The following SLC25A13 variants were observed in gnomAD, a reference collection of about 807,000 sequenced individuals.
SLC25A13 encodes solute carrier family 25 member 13, also known as electrogenic aspartate/glutamate antiporter SLC25A13, mitochondrial.
SLC25A13 carries 70 observed loss-of-function variants against 85.5 expected under a neutral mutation model. The ratio of observed to expected loss-of-function variants is 0.82; its 90% confidence interval spans 0.68 to 1.00. The LOEUF is 1.00. Among genes scored for constraint, SLC25A13 ranks in the 50% least tolerant of loss-of-function variants. The probability of loss-of-function intolerance (pLI) is 0.00; values close to 1 mark genes in which losing one functional copy is unlikely to be tolerated. For missense variants in SLC25A13, 765 were observed against 819.8 expected (o/e 0.93, Z 0.82); for synonymous variants, 259 against 288.7 (o/e 0.90, Z 1.04).
chr7:96,167,749 CT>C (rs1793813979), intron 13 of SLC25A13, among the ~76,000 whole-genome samples: 1 of 152,148 alleles, frequency 6.6e-6, no homozygotes, highest in Non-Finnish European at 1.5e-5. Context: ...GTGTGACTGA[CT>C]CCAATTATAG....
Position 96,184,499 on chromosome 7 carries a change from A to T in SLC25A13, c.1019-64T>A. On this transcript the variant is annotated intron_variant, in intron 10 of 17. Coordinates refer to ENST00000265631, the MANE Select transcript of SLC25A13 (RefSeq NM_014251.3). ...GATAGGTCAGAAGAAAGAAGAAGGT[A>T]GTTAAAGTCAAGGACAAGACTGAGA... is the stretch of plus-strand genomic sequence containing the variant. The T allele has an allele frequency of 2.0e-6, 3 of 1,507,364 alleles. 1 individual carries two copies. The South Asian group carries it at 3.5e-5, about 17-fold the overall frequency. 93.4% of individuals were successfully genotyped at this position (1,507,364 alleles called of 1,614,324 possible). A position where few individuals can be genotyped will look rare whatever the true frequency, so the allele number is the denominator to read the frequency against.
At chr7:96,274,201 T>TA (rs367953327) in intron 3 of SLC25A13, among the ~76,000 whole-genome samples, 2,360 of 144,774 alleles carry the variant, frequency 0.016, 31 homozygotes, top group African/African-American at 0.042. Context: ...TTCTTTCCAT[T>TA]AAAAAAAAAA....
chr7:96,224,972 C>T (rs1029657108), intron 4 of SLC25A13, among the ~76,000 whole-genome samples: 7 of 152,188 alleles, frequency 4.6e-5, no homozygotes, highest in Non-Finnish European at 1.0e-4. Flanking sequence ...TCAACTTCCC[C>T]ATGTCTATTT....
At chr7:96,228,443 G>T (rs529637429) in intron 4 of SLC25A13, among the ~76,000 whole-genome samples, 30 of 152,302 alleles carry the variant, frequency 2.0e-4, no homozygotes, top group Admixed American at 9.1e-4. Context: ...GCCACACAGT[G>T]AGATATCACT....
intron 2 of SLC25A13, among the ~76,000 whole-genome samples, chr7:96,290,215 A>G (rs1265483493): frequency 6.6e-6 from 1 of 152,192 alleles, no homozygotes; most frequent in African/African-American, 2.4e-5. Flanking sequence ...CTTTACAGAC[A>G]AGCAAATGCT....
At chr7:96,311,422 G>A (rs576253611) in intron 1 of SLC25A13, among the ~76,000 whole-genome samples, 1 of 152,196 alleles carries the variant, frequency 6.6e-6, no homozygotes, top group African/African-American at 2.4e-5. Context: ...TCACTTGCAG[G>A]AAATACTGAG....
Position 96,241,033 on chromosome 7 carries a change from G to A in SLC25A13, c.213-6116C>T, listed in dbSNP as rs1447763492. On this transcript the variant is annotated intron_variant, in intron 3 of 17. Coordinates refer to ENST00000265631, the MANE Select transcript of SLC25A13 (RefSeq NM_014251.3). ...GGGAAAGAAAAGAAAAGAAAAGAAAGAAAGGAAAGAAAGAAAGAAAGAAAG... is the reference window on the plus strand; with the variant it reads ...GGGAAAGAAAAGAAAAGAAAAGAAAAAAAGGAAAGAAAGAAAGAAAGAAAG... 1.7e-3 allele frequency among the ~76,000 whole-genome samples: 122 copies of A among 73,104 alleles called. 1 individual carries two copies. Among genetic ancestry groups the A allele is most frequent in the African/African-American group, 5.7e-3 (116 of 20,448 alleles). The allele number at this position is 73,104 out of a possible 152,430, so 48.0% of individuals were successfully genotyped here.
chr7:96,278,437 A>G (rs1245873482), intron 2 of SLC25A13, among the ~76,000 whole-genome samples: 2 of 152,230 alleles, frequency 1.3e-5, no homozygotes, highest in East Asian at 1.9e-4. Context: ...TTTAATTCCA[A>G]TGCAGACTAA....
intron 14 of SLC25A13, among the ~76,000 whole-genome samples, chr7:96,135,040 CT>C (rs1562785030): frequency 6.6e-6 from 1 of 151,998 alleles, no homozygotes; most frequent in East Asian, 1.9e-4. Context: ...CCTGTCACCC[CT>C]AGCCATGTGA....
intron 13 of SLC25A13, among the ~76,000 whole-genome samples, chr7:96,163,341 C>T (rs138105721): frequency 4.9e-4 from 75 of 152,296 alleles, no homozygotes; most frequent in African/African-American, 1.7e-3. Flanking sequence ...CTCTGGAGCA[C>T]AGCCCCAGCT....
At chr7:96,154,411 C>T (rs189790788) in intron 13 of SLC25A13, among the ~76,000 whole-genome samples, 3 of 151,876 alleles carry the variant, frequency 2.0e-5, no homozygotes, top group African/African-American at 7.3e-5. Flanking sequence ...ATTCTCAGGC[C>T]TCAGTCTCCC....
intron 1 of SLC25A13, among the ~76,000 whole-genome samples, chr7:96,321,177 T>G (rs1003855650): frequency 2.0e-5 from 3 of 151,956 alleles, no homozygotes; most frequent in African/African-American, 4.8e-5. Context: ...AGTGTTGGAG[T>G]TGCCTTTCCT....
chr7:96,263,540 C>T (rs1797935947), intron 3 of SLC25A13, among the ~76,000 whole-genome samples: 1 of 152,100 alleles, frequency 6.6e-6, no homozygotes, highest in Admixed American at 6.5e-5. Flanking sequence ...CCCATATTCT[C>T]CTTCCTAACC....
intron 13 of SLC25A13, among the ~76,000 whole-genome samples, chr7:96,149,859 G>A (rs904946371): frequency 6.6e-6 from 1 of 152,210 alleles, no homozygotes; most frequent in Non-Finnish European, 1.5e-5. Context: ...CTTTTGCAGA[G>A]ATCAAAGATA....
chr7:96,252,661 G>C (rs1385047622), intron 3 of SLC25A13, among the ~76,000 whole-genome samples: 1 of 152,122 alleles, frequency 6.6e-6, no homozygotes, highest in Non-Finnish European at 1.5e-5. Context: ...CGTGAAGTGA[G>C]TATTGCAAAA....
At chr7:96,245,627 G>A (rs1166383028) in intron 3 of SLC25A13, among the ~76,000 whole-genome samples, 2 of 152,154 alleles carry the variant, frequency 1.3e-5, no homozygotes, top group African/African-American at 2.4e-5. Context: ...TAATGTGCAT[G>A]ACAAATAGTC....
At chr7:96,162,642 T>A (rs1464059246) in intron 13 of SLC25A13, among the ~76,000 whole-genome samples, 1 of 152,108 alleles carries the variant, frequency 6.6e-6, no homozygotes, top group East Asian at 1.9e-4. Flanking sequence ...AGAGGCTGTC[T>A]CCTACTGTAG....
intron 13 of SLC25A13, among the ~76,000 whole-genome samples, chr7:96,152,207 G>A (rs1793078366): frequency 6.6e-6 from 1 of 152,218 alleles, no homozygotes; most frequent in Admixed American, 6.5e-5. Context: ...GGTCCAGGAT[G>A]CTGCCTAGAA....
intron 11 of SLC25A13, among the ~76,000 whole-genome samples, chr7:96,174,437 G>C (rs1794136327): frequency 6.6e-6 from 1 of 152,212 alleles, no homozygotes; most frequent in Non-Finnish European, 1.5e-5. Flanking sequence ...TATAATAGGA[G>C]AAGGCTTGGT....
Sources: gnomAD v4.1 joint callset for allele counts (sites outside exome capture counted in the v4.1 genomes callset) on GRCh38, gnomAD v4.1.1 for gene constraint, MANE v1.5 for transcripts, NCBI Gene and HGNC (gene_info 2026-07-23, HGNC 2026-07-21) for gene names.